NGEF: variants seen among roughly 807,000 people sequenced by gnomAD.
NGEF encodes neuronal guanine nucleotide exchange factor.
NGEF carries 31 observed loss-of-function variants against 80.9 expected under a neutral mutation model. The observed-to-expected ratio is 0.38, with a 90% CI of 0.29 to 0.52. The LOEUF (loss-of-function observed/expected upper bound fraction) is 0.52, where lower values mean the gene tolerates loss of function less well. Among genes scored for constraint, NGEF ranks in the 20% least tolerant of loss-of-function variants. The pLI, the probability that NGEF is intolerant of heterozygous loss-of-function variation, is 0.84. For synonymous variants in NGEF, 371 were observed against 370.2 expected (o/e 1.00, Z -0.03); for missense variants, 709 against 926.2 (o/e 0.77, Z 3.04).
At chr2:232,899,207 GTGAC>G (rs1169633020) in intron 5 of NGEF, among the ~76,000 whole-genome samples, 3 of 149,206 alleles carry the variant, frequency 2.0e-5, no homozygotes, top group Non-Finnish European at 4.4e-5. Flanking sequence ...ATGAGAGTAT[GTGAC>G]TGTGTGTGTG....
chr2:233,005,218 A>G (rs1695061165), intron 1 of NGEF, among the ~76,000 whole-genome samples: 1 of 152,156 alleles, frequency 6.6e-6, no homozygotes, highest in Admixed American at 6.5e-5. Flanking sequence ...CTGAGCAGCT[A>G]TGGGGCTCTG....
intron 6 of NGEF, among the ~76,000 whole-genome samples, chr2:232,894,318 CACAGGGCCTG>C (rs1467126579): frequency 6.6e-6 from 1 of 152,234 alleles, no homozygotes; most frequent in Admixed American, 6.5e-5. Flanking sequence ...CTGCACCCTG[CACAGGGCCTG>C]AGGCCCTGCA....
At chr2:232,961,476 A>G (rs1163280599) in intron 3 of NGEF, among the ~76,000 whole-genome samples, 4 of 152,154 alleles carry the variant, frequency 2.6e-5, no homozygotes, top group Non-Finnish European at 5.9e-5. Context: ...AAGGATGGTC[A>G]ACCAGATTAT....
intron 3 of NGEF, among the ~76,000 whole-genome samples, chr2:232,943,870 A>G (rs1434346392): frequency 6.6e-6 from 1 of 152,124 alleles, no homozygotes; most frequent in East Asian, 1.9e-4. Context: ...AGACACTGAA[A>G]TACATTCCTG....
intron 3 of NGEF, 94 bp downstream of exon 3, chr2:232,970,120 C>A: frequency 7.3e-6 from 4 of 545,494 alleles, no homozygotes; most frequent in Non-Finnish European, 9.2e-6. Context: ...TTTTTTTTAA[C>A]ATGACACCCT....
chr2:232,929,812 T>C (rs1366177559), intron 3 of NGEF, among the ~76,000 whole-genome samples: 2 of 152,180 alleles, frequency 1.3e-5, no homozygotes, highest in Non-Finnish European at 2.9e-5. Context: ...CCAAATCTCA[T>C]CTTGAATTGT....
intron 5 of NGEF, among the ~76,000 whole-genome samples, chr2:232,899,766 T>C (rs1692227378): frequency 7.3e-6 from 1 of 137,822 alleles, no homozygotes; most frequent in Non-Finnish European, 1.5e-5. Flanking sequence ...GCTCTCACAG[T>C]CACTCATATA....
chr2:232,886,492 C>T (rs971408322), intron 9 of NGEF, among the ~76,000 whole-genome samples: 2 of 152,234 alleles, frequency 1.3e-5, no homozygotes, highest in African/African-American at 4.8e-5. Context: ...GGGCGAGCTG[C>T]AGCCTGTCGG....
intron 3 of NGEF, among the ~76,000 whole-genome samples, chr2:232,943,786 T>C (rs546040245): frequency 4.6e-5 from 7 of 151,096 alleles, no homozygotes; most frequent in Middle Eastern, 3.4e-3. Context: ...TGAGCCACTG[T>C]GCCCGGCCCG....
At chr2:232,955,056 A>T (rs776964006) in intron 3 of NGEF, among the ~76,000 whole-genome samples, 10 of 152,212 alleles carry the variant, frequency 6.6e-5, no homozygotes, top group Non-Finnish European at 1.3e-4. Context: ...GAGGACACTG[A>T]GGCAGAGAAA....
chr2:232,952,073 A>G (rs1693689618), intron 3 of NGEF, among the ~76,000 whole-genome samples: 1 of 152,224 alleles, frequency 6.6e-6, no homozygotes, highest in Non-Finnish European at 1.5e-5. Context: ...TGGGCTGTAA[A>G]GCCTTCAAGC....
At chr2:232,913,188 G>A (rs974207628) in intron 5 of NGEF, among the ~76,000 whole-genome samples, 26 of 152,114 alleles carry the variant, frequency 1.7e-4, no homozygotes, top group African/African-American at 4.6e-4. Flanking sequence ...GGTATGCTGC[G>A]GATTCATTTT....
chr2:232,970,451 G>A (rs1403607406), intron 2 of NGEF, 123 bp from the exon 3 acceptor site: 1 of 625,612 alleles, frequency 1.6e-6, no homozygotes, highest in African/African-American at 2.0e-5. Flanking sequence ...GAGTGGGAAG[G>A]GGTGTCCCTC....
intron 4 of NGEF, among the ~76,000 whole-genome samples, chr2:232,922,682 G>A (rs1177807595): frequency 2.0e-5 from 3 of 152,252 alleles, no homozygotes; most frequent in Non-Finnish European, 2.9e-5. Context: ...AAGAAACCAA[G>A]TTTCACAGGT....
At chr2:232,985,844 C>G (rs1169574044) in intron 1 of NGEF, among the ~76,000 whole-genome samples, 1 of 151,364 alleles carries the variant, frequency 6.6e-6, no homozygotes, top group Non-Finnish European at 1.5e-5. Context: ...GAGGCTGAGG[C>G]AGGAGAATCA....
In NGEF at chr2:233,008,556, G is replaced by C. The variant is rs559544244; in HGVS notation, c.-75+4512C>G. Among the ~76,000 whole-genome samples the C allele has an allele frequency of 1.4e-4, 21 of 152,312 alleles. No homozygotes were observed. In the South Asian group the frequency reaches 4.3e-3, roughly 32 times the overall value. The stretch of plus-strand genomic sequence containing the variant: ...CTTTGGGGCGGGACCTGGGGGTCAA[G>C]GGCCTTAGGCCCAGCTTGCCTTCCA... On this transcript the variant is annotated intron_variant, in intron 1 of 14. Transcript: ENST00000264051.
chr2:232,956,781 T>TAAAAAA (rs57407464), intron 3 of NGEF, among the ~76,000 whole-genome samples: 1 of 62,114 alleles, frequency 1.6e-5, no homozygotes, highest in African/African-American at 6.2e-5. Context: ...AGACTCCATC[T>TAAAAAA]AAAAAAAAAA....
At chr2:232,959,639 G>A (rs1018059302) in intron 3 of NGEF, among the ~76,000 whole-genome samples, 1 of 150,136 alleles carries the variant, frequency 6.7e-6, no homozygotes, top group African/African-American at 2.4e-5. Flanking sequence ...GAGTGCAATG[G>A]CGCAATCTTG....
At chr2:232,938,523 TGGCTGTG>T (rs537480369) in intron 3 of NGEF, among the ~76,000 whole-genome samples, 1 of 152,216 alleles carries the variant, frequency 6.6e-6, no homozygotes, top group East Asian at 1.9e-4. Context: ...TCTGGGGGTT[TGGCTGTG>T]GGCTTTTGAC....
Sources: allele counts gnomAD v4.1 joint callset (sites outside exome capture counted in the v4.1 genomes callset), GRCh38; gene constraint gnomAD v4.1.1; transcripts MANE v1.5; gene names NCBI Gene and HGNC (gene_info 2026-07-23, HGNC 2026-07-21).